Variants in NUFIP1 observed in about 807,000 individuals in gnomAD.
NUFIP1 encodes the protein nuclear FMR1 interacting protein 1.
In NUFIP1, 38 loss-of-function variants were observed where a neutral mutation model predicts 56.2. That is an observed-to-expected ratio of 0.68 (90% confidence interval 0.52 to 0.89). The LOEUF (loss-of-function observed/expected upper bound fraction) is 0.89. Ranked by LOEUF, NUFIP1 falls within the 40% of genes least tolerant of loss-of-function variation. The probability of loss-of-function intolerance (pLI) is 0.00; values close to 1 mark genes in which losing one functional copy is unlikely to be tolerated. For missense variants in NUFIP1, 567 were observed against 605.8 expected, an observed-to-expected ratio of 0.94 and a Z score of 0.67; for synonymous variants, 215 against 212.4, an observed-to-expected ratio of 1.01 and a Z score of -0.10.
intron 5 of NUFIP1, among the ~76,000 whole-genome samples, chr13:44,967,079 C>G (rs568948109): frequency 6.6e-6 from 1 of 151,670 alleles, no homozygotes; most frequent in East Asian, 1.9e-4. Context: ...CAAAAGTACC[C>G]AAGAGGGTAT....
In NUFIP1 at chr13:44,939,276, A is replaced by G. The variant is rs1456632989; in HGVS notation, c.*1930T>C. The G allele has an allele frequency of 6.6e-6, 1 of 152,236 alleles. No homozygotes were observed. Among genetic ancestry groups the G allele is most frequent in the African/African-American group, 2.4e-5 (1 of 41,472 alleles). 9.4% of individuals were successfully genotyped at this position (152,236 alleles called of 1,614,324 possible). A position where few individuals can be genotyped will look rare whatever the true frequency, so the allele number is the denominator to read the frequency against. On this transcript the variant is annotated 3_prime_UTR_variant, in exon 10 of 10. Coordinates refer to ENST00000379161, the MANE Select transcript of NUFIP1 (RefSeq NM_012345.3). ...TAGTCCAAATGTTTTAATAATCTCA[A>G]TTAATATAAATGTATTAAATTTCCC...
At chr13:44,949,663 T>C in intron 8 of NUFIP1, 59 bp downstream of exon 8, 1 of 1,000,384 alleles carries the variant, frequency 1.0e-6, no homozygotes, top group Non-Finnish European at 1.5e-6. Context: ...ATGCGCAGCA[T>C]GCACAAAAGG....
chr13:44,989,313 T>C lies in NUFIP1; in HGVS notation c.124A>G (p.Met42Val), dbSNP rs879017648. ...PPRDSWMFWA[M>V]LPPPPPPLTS... Reference sequence around the variant, plus strand: ...AGTGGTGGTGGCGGTGGCGGCAGCATTGCCCAGAACATCCAGCTGTCCCGC... The same window carrying C: ...AGTGGTGGTGGCGGTGGCGGCAGCACTGCCCAGAACATCCAGCTGTCCCGC... Residue 42 changes from methionine to valine, a missense_variant, in exon 1 of 10, where the codon ATG (methionine) becomes GTG (valine). Coordinates refer to ENST00000379161, the MANE Select transcript of NUFIP1 (RefSeq NM_012345.3). The C allele has an allele frequency of 3.1e-6, 5 of 1,613,294 alleles. No individual in the cohort carries two copies. Among genetic ancestry groups the C allele is most frequent in the Admixed American group, 3.3e-5 (2 of 59,946 alleles).
intron 1 of NUFIP1, among the ~76,000 whole-genome samples, chr13:44,983,567 C>A (rs992589086): frequency 2.0e-5 from 3 of 152,008 alleles, no homozygotes; most frequent in Non-Finnish European, 4.4e-5. Flanking sequence ...GAGGCCAAGG[C>A]GGGCAGACCA....
chr13:44,976,810 G>A (rs1871997560), intron 5 of NUFIP1, among the ~76,000 whole-genome samples: 2 of 152,166 alleles, frequency 1.3e-5, no homozygotes, highest in African/African-American at 4.8e-5. Context: ...GGCAGCAGAG[G>A]GGCAAGGGGG....
intron 5 of NUFIP1, among the ~76,000 whole-genome samples, chr13:44,967,588 G>C (rs1320034459): frequency 6.6e-6 from 1 of 152,116 alleles, no homozygotes; most frequent in East Asian, 1.9e-4. Context: ...CAGGCAATCA[G>C]ACTGGAAAGG....
intron 2 of NUFIP1, among the ~76,000 whole-genome samples, chr13:44,981,532 C>T (rs1872188883): frequency 6.6e-6 from 1 of 152,136 alleles, no homozygotes; most frequent in Non-Finnish European, 1.5e-5. Flanking sequence ...AACTATATGG[C>T]CAGGCATGGT....
intron 6 of NUFIP1, among the ~76,000 whole-genome samples, chr13:44,963,207 C>T (rs572448938): frequency 1.2e-4 from 18 of 152,268 alleles, no homozygotes; most frequent in Non-Finnish European, 1.5e-4. Context: ...TCCATTTATA[C>T]AGGCCTTGAA....
intron 7 of NUFIP1, among the ~76,000 whole-genome samples, chr13:44,958,634 A>T (rs961267157): frequency 1.3e-5 from 2 of 152,160 alleles, no homozygotes; most frequent in African/African-American, 4.8e-5. Context: ...CAAATCTACA[A>T]TGTCACTAAT....
chr13:44,948,141 CTTTTTTTTTTT>C (rs61398364), intron 8 of NUFIP1, among the ~76,000 whole-genome samples: 4 of 120,858 alleles, frequency 3.3e-5, no homozygotes, highest in Non-Finnish European at 6.6e-5. Flanking sequence ...ACTACATTTC[CTTTTTTTTTTT>C]TTTTTTTTTT....
Position 44,941,055 on chromosome 13 carries a change from G to A in NUFIP1, c.*151C>T. ...TTTTTTTATTTGCATAGAACCAAAG[G>A]AAAGACTTAAAATTCCAACATACAT... On this transcript the variant is annotated 3_prime_UTR_variant, in exon 10 of 10. Coordinates refer to ENST00000379161, the MANE Select transcript of NUFIP1 (RefSeq NM_012345.3). 5.8e-6 allele frequency: 3 copies of A among 515,068 alleles called. No homozygotes were observed. The highest frequency in any genetic ancestry group is 1.0e-5 in the Non-Finnish European group (3 of 285,738). The allele number at this position is 515,068 out of a possible 1,614,324, so 31.9% of individuals were successfully genotyped here.
Position 44,982,133 on chromosome 13 carries a change from C to T in NUFIP1, c.434G>A (p.Arg145Gln), listed in dbSNP as rs778249651. Residue 145 changes from arginine (R) to glutamine (Q), a missense_variant, in exon 2 of 10, where the codon CGA becomes CAA. By Grantham distance (43) the Arg-to-Gln change is conservative (BLOSUM62 1). Coordinates refer to ENST00000379161, the MANE Select transcript of NUFIP1 (RefSeq NM_012345.3). ...GTCTGTGAATTTTGCATCATACTTT[C>T]GTGGATAATAAGAATTTTTAACTAA... The part of the protein sequence containing the change: ...NPAVKNSYYP[R>Q]KYDAKFTDFS... The T allele has an allele frequency of 5.0e-5, 74 of 1,474,530 alleles. No individual in the cohort carries two copies. Among genetic ancestry groups the T allele is most frequent in the African/African-American group, 1.7e-4 (12 of 69,222 alleles). The allele number at this position is 1,474,530 out of a possible 1,614,324, so 91.3% of individuals were successfully genotyped here.
At chr13:44,965,671 G>A (rs1443238451) in intron 6 of NUFIP1, among the ~76,000 whole-genome samples, 173 bp downstream of exon 6, 1 of 152,012 alleles carries the variant, frequency 6.6e-6, no homozygotes, top group Non-Finnish European at 1.5e-5. Flanking sequence ...TCCAGCCTGG[G>A]CAACAGAGCG....
chr13:44,949,563 G>A (rs1871016529), intron 8 of NUFIP1, among the ~76,000 whole-genome samples, 159 bp downstream of exon 8: 1 of 152,154 alleles, frequency 6.6e-6, no homozygotes, highest in South Asian at 2.1e-4. Context: ...TTACTCCAGA[G>A]TTCCTTTAAC....
intron 5 of NUFIP1, among the ~76,000 whole-genome samples, chr13:44,976,887 T>G (rs1441488600): frequency 6.6e-6 from 1 of 152,186 alleles, no homozygotes; most frequent in Non-Finnish European, 1.5e-5. Context: ...CCCACTCCCT[T>G]GACAATTCAC....
intron 1 of NUFIP1, among the ~76,000 whole-genome samples, chr13:44,988,702 A>G (rs1404810084): frequency 6.6e-6 from 1 of 152,244 alleles, no homozygotes; most frequent in African/African-American, 2.4e-5. Context: ...GTCAACAGGA[A>G]AACATTCTAG....
At chr13:44,944,531 A>C (rs557988938) in intron 8 of NUFIP1, among the ~76,000 whole-genome samples, 5 of 152,152 alleles carry the variant, frequency 3.3e-5, no homozygotes, top group Non-Finnish European at 5.9e-5. Flanking sequence ...TCAGTAATTA[A>C]AGAAAAATTG....
intron 6 of NUFIP1, among the ~76,000 whole-genome samples, chr13:44,961,908 T>C (rs1202288875): frequency 1.3e-5 from 2 of 152,238 alleles, no homozygotes; most frequent in African/African-American, 2.4e-5. Flanking sequence ...TAAGACTTAA[T>C]TGAGAAAGTA....
At chr13:44,987,178 G>C (rs1872427593) in intron 1 of NUFIP1, among the ~76,000 whole-genome samples, 1 of 152,120 alleles carries the variant, frequency 6.6e-6, no homozygotes, top group Non-Finnish European at 1.5e-5. Flanking sequence ...AGGAGTTCGA[G>C]ATAAGCCTGG....
Sources: allele counts gnomAD v4.1 joint callset (sites outside exome capture counted in the v4.1 genomes callset), GRCh38; gene constraint gnomAD v4.1.1; transcripts MANE v1.5; gene names NCBI Gene and HGNC (gene_info 2026-07-23, HGNC 2026-07-21).